GPC6: variants seen among roughly 807,000 people sequenced by gnomAD.
GPC6 encodes glypican 6.
A neutral mutation model predicts 55.2 loss-of-function variants in GPC6; 14 were observed. The ratio of observed to expected loss-of-function variants is 0.25; its 90% CI spans 0.17 to 0.40. The LOEUF (loss-of-function observed/expected upper bound fraction) is 0.40, where lower values mean the gene tolerates loss of function less well. Ranked by LOEUF, GPC6 falls within the 10% of genes least tolerant of loss-of-function variation. The pLI is 1.00. For synonymous variants in GPC6, 278 were observed against 259.6 expected (o/e 1.07, Z -0.68); for missense variants, 641 against 708.5 (o/e 0.90, Z 1.08).
In GPC6 at chr13:93,307,178, T is replaced by C. The variant is rs573635263; in HGVS notation, c.160+79562T>C. On this transcript the variant is annotated intron_variant, in intron 1 of 8. Coordinates refer to ENST00000377047, the MANE Select transcript of GPC6 (RefSeq NM_005708.5). ...TGGAGAAAAAGAAAGATTTGACAGA[T>C]ACATATTTTTAACAAGATGTTGCAT... Among the ~76,000 whole-genome samples, 11 of 152,326 alleles carry C rather than the reference T, an allele frequency of 7.2e-5. No homozygotes were observed. The South Asian group carries it at 2.3e-3, about 32-fold the overall frequency.
At chr13:93,502,956 A>G (rs1459856894) in intron 1 of GPC6, among the ~76,000 whole-genome samples, 2 of 152,184 alleles carry the variant, frequency 1.3e-5, no homozygotes, top group African/African-American at 4.8e-5. Context: ...TAATTATGAA[A>G]AAAGTTTAAA....
chr13:93,947,443 A>G (rs577812904), intron 3 of GPC6, among the ~76,000 whole-genome samples: 25 of 152,216 alleles, frequency 1.6e-4, no homozygotes, highest in Admixed American at 6.5e-5. Context: ...ATAAAGACAA[A>G]CAAGATGAAA....
At chr13:93,631,615 C>T (rs975857179) in intron 2 of GPC6, among the ~76,000 whole-genome samples, 7 of 152,188 alleles carry the variant, frequency 4.6e-5, no homozygotes, top group Non-Finnish European at 8.8e-5. Context: ...TCTGTCAGGT[C>T]CCTACAGTTG....
chr13:93,365,943 A>G (rs1166678401), intron 1 of GPC6, among the ~76,000 whole-genome samples: 1 of 152,104 alleles, frequency 6.6e-6, no homozygotes, highest in African/African-American at 2.4e-5. Flanking sequence ...AATATTGTTC[A>G]TGTTCTATTC....
At chr13:93,941,535 G>C (rs1326809023) in intron 3 of GPC6, among the ~76,000 whole-genome samples, 1 of 152,124 alleles carries the variant, frequency 6.6e-6, no homozygotes, top group Non-Finnish European at 1.5e-5. Context: ...ATAAACTTTG[G>C]CACTCTAGTC....
upstream of GPC6, chr13:93,226,592 G>C (rs1875792069): frequency 6.6e-6 from 1 of 152,174 alleles, no homozygotes; most frequent in South Asian, 2.1e-4. Flanking sequence ...TTAATAACAT[G>C]TTAATGACTT....
chr13:93,395,237 GA>G, intron 1 of GPC6: 1 of 414,478 alleles, frequency 2.4e-6, no homozygotes, highest in Non-Finnish European at 4.6e-6. Flanking sequence ...ATTCCCACCA[GA>G]ACCACTTGCA....
chr13:94,123,287 C>T (rs1433414105), intron 4 of GPC6, among the ~76,000 whole-genome samples: 3 of 151,854 alleles, frequency 2.0e-5, no homozygotes, highest in African/African-American at 7.2e-5. Flanking sequence ...AAATGTAGAG[C>T]CATATTAAAT....
chr13:93,545,000 A>G (rs542622214), intron 1 of GPC6, among the ~76,000 whole-genome samples: 1 of 152,306 alleles, frequency 6.6e-6, no homozygotes, highest in South Asian at 2.1e-4. Context: ...CCAGGAAAAA[A>G]TGCCACAGTA....
intron 6 of GPC6, among the ~76,000 whole-genome samples, chr13:94,366,934 G>C (rs976426306): frequency 2.6e-5 from 4 of 152,298 alleles, no homozygotes; most frequent in Admixed American, 6.5e-5. Flanking sequence ...AGAGAGAAAA[G>C]TTGAGGGCTC....
chr13:94,306,176 A>G (rs1464135916), intron 6 of GPC6, 53 bp downstream of exon 6: 2 of 1,599,396 alleles, frequency 1.3e-6, no homozygotes, highest in Non-Finnish European at 1.7e-6. Context: ...TACCAAGGTC[A>G]TTCTTTGAAA....
intron 2 of GPC6, among the ~76,000 whole-genome samples, chr13:93,594,774 A>G (rs1877651241): frequency 1.3e-5 from 2 of 151,688 alleles, no homozygotes. Flanking sequence ...TAATATGCAC[A>G]TTCTGGTTCA....
chr13:93,950,977 T>A (rs1267918163), intron 3 of GPC6, among the ~76,000 whole-genome samples: 1 of 152,122 alleles, frequency 6.6e-6, no homozygotes, highest in Non-Finnish European at 1.5e-5. Flanking sequence ...CCCATCTTGG[T>A]AGTCTGAGGG....
At chr13:93,915,048 A>AG (rs1877214340) in intron 3 of GPC6, among the ~76,000 whole-genome samples, 1 of 152,112 alleles carries the variant, frequency 6.6e-6, no homozygotes, top group South Asian at 2.1e-4. Flanking sequence ...CTTCCCTTTC[A>AG]ATGCAGCCCC....
At chr13:94,146,985 T>C (rs1021758216) in intron 4 of GPC6, among the ~76,000 whole-genome samples, 2 of 152,190 alleles carry the variant, frequency 1.3e-5, no homozygotes, top group African/African-American at 2.4e-5. Flanking sequence ...CTGCTTCTAA[T>C]GTTCATTTCA....
intron 1 of GPC6, chr13:93,395,115 C>A: frequency 8.1e-6 from 2 of 248,192 alleles, no homozygotes; most frequent in East Asian, 9.5e-5. Context: ...AAGTTGATTC[C>A]ATCATTACCA....
intron 2 of GPC6, among the ~76,000 whole-genome samples, chr13:93,560,686 T>A (rs1875734619): frequency 6.6e-6 from 1 of 151,218 alleles, no homozygotes; most frequent in African/African-American, 2.4e-5. Context: ...AAACCGCGTC[T>A]GTACTAAAAA....
intron 1 of GPC6, among the ~76,000 whole-genome samples, chr13:93,448,951 TATTG>T (rs58232874): frequency 0.025 from 3,768 of 152,294 alleles, 158 homozygotes; most frequent in African/African-American, 0.086. Flanking sequence ...AGTGAACATT[TATTG>T]ATTGTCTACT....
At chr13:94,230,097 TG>T (rs1197844204) in intron 4 of GPC6, among the ~76,000 whole-genome samples, 1 of 152,144 alleles carries the variant, frequency 6.6e-6, no homozygotes, top group Non-Finnish European at 1.5e-5. Flanking sequence ...TTAGTTTGTC[TG>T]AACCTCCGTT....
Sources: gnomAD v4.1 joint callset for allele counts (sites outside exome capture counted in the v4.1 genomes callset) on GRCh38, gnomAD v4.1.1 for gene constraint, MANE v1.5 for transcripts, NCBI Gene and HGNC (gene_info 2026-07-23, HGNC 2026-07-21) for gene names.